Variants in PIP5K1C observed in about 807,000 individuals in gnomAD.
PIP5K1C encodes the protein phosphatidylinositol-4-phosphate 5-kinase type 1 gamma, also known as phosphatidylinositol 4-phosphate 5-kinase type-1 gamma.
PIP5K1C carries 45 observed loss-of-function variants against 80.1 expected under a neutral mutation model. The observed-to-expected ratio is 0.56, with a 90% confidence interval of 0.44 to 0.72. The LOEUF is 0.72. Ranked by LOEUF, PIP5K1C falls within the 30% of genes least tolerant of loss-of-function variation. The pLI is 0.00. For missense variants in PIP5K1C, 753 were observed against 954.6 expected, an observed-to-expected ratio of 0.79 and a Z score of 2.78; for synonymous variants, 498 against 420.1, an observed-to-expected ratio of 1.19 and a Z score of -2.27.
chr19:3,670,342 G>C (rs1270944032), intron 1 of PIP5K1C, among the ~76,000 whole-genome samples: 1 of 152,108 alleles, frequency 6.6e-6, no homozygotes, highest in Non-Finnish European at 1.5e-5. Flanking sequence ...AGTGGGGTGG[G>C]CCCTGGATCC....
intron 1 of PIP5K1C, among the ~76,000 whole-genome samples, chr19:3,674,572 G>A (rs905376062): frequency 3.9e-5 from 6 of 152,014 alleles, no homozygotes; most frequent in African/African-American, 1.2e-4. Flanking sequence ...TGCAGATCTC[G>A]GCTCACTACA....
At chr19:3,695,197 A>G (rs1333037595) in intron 1 of PIP5K1C, among the ~76,000 whole-genome samples, 1 of 152,178 alleles carries the variant, frequency 6.6e-6, no homozygotes, top group East Asian at 1.9e-4. Flanking sequence ...CCTGAGCCCC[A>G]CCTGGCCCAC....
intron 1 of PIP5K1C, among the ~76,000 whole-genome samples, chr19:3,674,514 G>A (rs573055923): frequency 1.6e-4 from 24 of 150,620 alleles, no homozygotes; most frequent in Admixed American, 1.4e-3. Flanking sequence ...TACAGCCTCC[G>A]CCTCCCGGGT....
intron 1 of PIP5K1C, among the ~76,000 whole-genome samples, chr19:3,670,582 G>A (rs1039870225): frequency 1.3e-5 from 2 of 152,266 alleles, no homozygotes; most frequent in African/African-American, 4.8e-5. Context: ...GCCTGTTCAA[G>A]GCCTGCTGCT....
intron 5 of PIP5K1C, among the ~76,000 whole-genome samples, chr19:3,658,876 G>C (rs2145475153): frequency 6.6e-6 from 1 of 152,342 alleles, no homozygotes. Flanking sequence ...CCCATGCGTG[G>C]ATTTCTGAGC....
At chr19:3,658,857 G>C (rs555986114) in intron 5 of PIP5K1C, among the ~76,000 whole-genome samples, 2 of 152,350 alleles carry the variant, frequency 1.3e-5, no homozygotes, top group African/African-American at 4.8e-5. Flanking sequence ...CTGCTACGGG[G>C]AAGCAGGCCC....
rs2035850639 is a variant in PIP5K1C, at chr19:3,688,736, G to C, written c.94+11561C>G. On this transcript the variant is annotated intron_variant, in intron 1 of 17. Coordinates refer to ENST00000335312, the MANE Select transcript of PIP5K1C (RefSeq NM_012398.3). This position sits in a 1 kb window ranked among gnomAD's most constrained non-coding sequence, Gnocchi z 5.3. Reference sequence around the variant, plus strand: ...TCAAACAGGACTGAGAGCGGAAAGAGAGAGAGAGAGAGGAGAGTGGGGGGA... The same window carrying C: ...TCAAACAGGACTGAGAGCGGAAAGACAGAGAGAGAGAGGAGAGTGGGGGGA... Among the ~76,000 whole-genome samples the C allele has an allele frequency of 6.6e-6, 1 of 152,050 alleles. No individual in the cohort carries two copies. The highest frequency in any genetic ancestry group is 1.5e-5 in the Non-Finnish European group (1 of 67,986).
At chr19:3,652,081 C>T in intron 7 of PIP5K1C, 50 bp from the exon 8 acceptor site, 1 of 1,575,246 alleles carries the variant, frequency 6.3e-7, no homozygotes, top group Non-Finnish European at 8.7e-7. Flanking sequence ...TCTCTATCCC[C>T]CACAACGGCT....
intron 1 of PIP5K1C, among the ~76,000 whole-genome samples, chr19:3,687,670 G>C (rs370869072): frequency 6.4e-4 from 97 of 151,632 alleles, no homozygotes; most frequent in African/African-American, 2.3e-3. Context: ...GCAAGGAAGG[G>C]GTGAGGTGGC....
intron 4 of PIP5K1C, 110 bp downstream of exon 4, chr19:3,661,761 G>A (rs2034839238): frequency 7.4e-7 from 1 of 1,350,608 alleles, no homozygotes; most frequent in Non-Finnish European, 1.0e-6. Context: ...GGAGGCGCCA[G>A]GAGGGGCCAG....
chr19:3,700,439 G>C lies in PIP5K1C; in HGVS notation c.-49C>G, dbSNP rs1466040289. 3.1e-6 allele frequency: 3 copies of C among 980,074 alleles called. No homozygotes were observed. The highest frequency in any genetic ancestry group is 5.7e-5 in the Admixed American group (1 of 17,498). The allele number at this position is 980,074 out of a possible 1,614,324, so 60.7% of individuals were successfully genotyped here. A position where few individuals can be genotyped will look rare whatever the true frequency, so the allele number is the denominator to read the frequency against. Reference sequence around the variant, plus strand: ...GGCGCCCGAGGGGGACCCGAGCTGCGACCGCCGCCGCCGAACAACAAGCGC... The same window carrying C: ...GGCGCCCGAGGGGGACCCGAGCTGCCACCGCCGCCGCCGAACAACAAGCGC... On this transcript the variant is annotated 5_prime_UTR_variant, in exon 1 of 18. Transcript: ENST00000335312.
chr19:3,656,677 GGAAA>G, intron 5 of PIP5K1C, 120 bp from the exon 6 acceptor site: 1 of 1,140,568 alleles, frequency 8.8e-7, no homozygotes, highest in Non-Finnish European at 1.3e-6. Context: ...TTACAGATGC[GGAAA>G]GAGAGGCTCA....
intron 8 of PIP5K1C, 33 bp downstream of exon 8, chr19:3,651,793 C>T (rs1568325225): frequency 3.8e-6 from 6 of 1,594,498 alleles, no homozygotes; most frequent in East Asian, 2.2e-5. Context: ...GGAAGGGAAG[C>T]GGGACGGGTC....
At chr19:3,671,594 C>T (rs1211692982) in intron 1 of PIP5K1C, among the ~76,000 whole-genome samples, 3 of 152,142 alleles carry the variant, frequency 2.0e-5, no homozygotes, top group Non-Finnish European at 2.9e-5. Context: ...TGGAGCAGGA[C>T]GGAGAGGGGA....
intron 11 of PIP5K1C, among the ~76,000 whole-genome samples, 182 bp from the exon 12 acceptor site, chr19:3,644,433 C>A (rs549887008): frequency 1.3e-5 from 2 of 152,118 alleles, no homozygotes; most frequent in Non-Finnish European, 2.9e-5. Flanking sequence ...GGAGGGACTG[C>A]GAGCCCGAGT....
intron 1 of PIP5K1C, among the ~76,000 whole-genome samples, chr19:3,671,804 C>G (rs976676860): frequency 6.6e-6 from 1 of 152,252 alleles, no homozygotes; most frequent in Non-Finnish European, 1.5e-5. Flanking sequence ...ATGAGGCCCG[C>G]TCAGGGCACA....
intron 5 of PIP5K1C, among the ~76,000 whole-genome samples, chr19:3,657,478 T>A (rs1055492236): frequency 6.6e-6 from 1 of 152,114 alleles, no homozygotes; most frequent in East Asian, 1.9e-4. Flanking sequence ...CAGCTCCCCA[T>A]CAGCGGAGCA....
Position 3,681,015 on chromosome 19 carries a change from G to A in PIP5K1C, c.95-13662C>T, listed in dbSNP as rs144487720. On this transcript the variant is annotated intron_variant, in intron 1 of 17. Transcript: ENST00000335312. The stretch of plus-strand genomic sequence containing the variant: ...AGAGAAAGATCAGGTCCCACAGGTC[G>A]GCAGTGCTGAGAGGCAGAGACCCTG... Among the ~76,000 whole-genome samples the A allele has an allele frequency of 1.4e-4, 22 of 152,290 alleles. No homozygotes were observed. The East Asian group carries it at 2.9e-3, about 20-fold the overall frequency.
chr19:3,656,070 G>A (rs2034618753), intron 6 of PIP5K1C, among the ~76,000 whole-genome samples: 1 of 152,214 alleles, frequency 6.6e-6, no homozygotes, highest in Non-Finnish European at 1.5e-5. Flanking sequence ...GCTGACAGAC[G>A]CTGCCCGCAG....
Sources: gnomAD v4.1 joint callset for allele counts (sites outside exome capture counted in the v4.1 genomes callset) on GRCh38, gnomAD v4.1.1 for gene constraint, Gnocchi (gnomAD v3.1) non-coding constraint, MANE v1.5 for transcripts, NCBI Gene and HGNC (gene_info 2026-07-23, HGNC 2026-07-21) for gene names.